Variants in ATM observed in about 807,000 individuals in gnomAD.
ATM encodes serine-protein kinase ATM.
In ATM, 308 loss-of-function variants were observed where a neutral mutation model predicts 387.0. The observed-to-expected ratio is 0.80, with a 90% CI of 0.73 to 0.87. ATM has a LOEUF of 0.87. ATM is among the 40% of genes least tolerant of loss of function. The pLI, the probability that ATM is intolerant of heterozygous loss-of-function variation, is 0.00. For synonymous variants in ATM, 1,156 were observed against 1,187.3 expected, an observed-to-expected ratio of 0.97 and a Z score of 0.54; for missense variants, 3,312 against 3,560.9, an observed-to-expected ratio of 0.93 and a Z score of 1.78.
At chr11:108,225,489 G>A (rs1208707859) in intron 1 of ATM, 4 of 152,016 alleles carry the variant, frequency 2.6e-5, no homozygotes, top group Non-Finnish European at 4.4e-5. Flanking sequence ...GTCTTGTTTT[G>A]TTTTGAGACA....
At chr11:108,259,418 G>A (rs2080724968) in intron 16 of ATM, among the ~76,000 whole-genome samples, 1 of 152,164 alleles carries the variant, frequency 6.6e-6, no homozygotes, top group Non-Finnish European at 1.5e-5. Flanking sequence ...CCTGGGAGGT[G>A]GAGGTTGCAG....
chr11:108,264,070 C>T (rs1228601262), intron 16 of ATM, among the ~76,000 whole-genome samples: 1 of 151,282 alleles, frequency 6.6e-6, no homozygotes, highest in East Asian at 1.9e-4. Flanking sequence ...GAACTGGTAC[C>T]ATTCCTTCTG....
rs545668249 is a variant in ATM, at chr11:108,310,726, A to G, written c.5918+411A>G. On this transcript the variant is annotated intron_variant, in intron 39 of 62. Coordinates refer to ENST00000675843, the MANE Select transcript of ATM (RefSeq NM_000051.4). ...TATTCAAGATTCATTTTGGATATAA[A>G]ATATCCAAAATTATAATCCAAAATG... Among the ~76,000 whole-genome samples the G allele has an allele frequency of 2.6e-5, 4 of 152,254 alleles. No individual in the cohort carries two copies. In the East Asian group the frequency reaches 7.7e-4, roughly 29 times the overall value.
At position 108,259,304 on chromosome 11, in the gene ATM, A is replaced by G. The variant is rs193005207; in HGVS notation, c.2466+229A>G. ...GGAGATTGAGACCATCCTGGCTAAC[A>G]CGGTGAAACCCCGTCTCTACTAAAA... is the stretch of plus-strand genomic sequence containing the variant. On this transcript the variant is annotated intron_variant, in intron 16 of 62. Coordinates refer to ENST00000675843, the MANE Select transcript of ATM (RefSeq NM_000051.4). Among the ~76,000 whole-genome samples, 24 of 152,000 alleles carry G rather than the reference A, an allele frequency of 1.6e-4. No individual in the cohort carries two copies. In the East Asian group the frequency reaches 4.3e-3, roughly 27 times the overall value.
At chr11:108,334,437 ATTC>A (rs1416078286) in intron 54 of ATM, among the ~76,000 whole-genome samples, 1 of 152,198 alleles carries the variant, frequency 6.6e-6, no homozygotes, top group Non-Finnish European at 1.5e-5. Flanking sequence ...CTGTTCTAAT[ATTC>A]TTTTATTGCA....
At position 108,345,767 on chromosome 11, in the gene ATM, G is replaced by C. The variant is rs1214616015; in HGVS notation, c.8443G>C (p.Glu2815Gln). Residue 2815 changes from glutamate to glutamine, a missense_variant, in exon 58 of 63, where the codon GAG becomes CAG. Around this residue, in one of 4 missense-constraint regions of ATM, gnomAD observed 1,405 missense variants for 1,604.4 expected, o/e 0.88. Coordinates refer to ENST00000675843, the MANE Select transcript of ATM (RefSeq NM_000051.4). Reference protein sequence around the residue: ...MMEVQKKSFEEKYEVFMDVCQ... With the variant: ...MMEVQKKSFEQKYEVFMDVCQ... ...GGAGGTGCAAAAAAAGTCTTTTGAA[G>C]AGAAATATGAAGTCTTCATGGATGT... 6.2e-7 allele frequency: 1 copy of C among 1,612,200 alleles called. No individual in the cohort carries two copies. Among genetic ancestry groups the C allele is most frequent in the African/African-American group, 1.3e-5 (1 of 74,916 alleles).
chr11:108,306,233 C>T (rs1238106596), intron 37 of ATM, among the ~76,000 whole-genome samples: 2 of 151,640 alleles, frequency 1.3e-5, no homozygotes, highest in Admixed American at 6.6e-5. Context: ...ACATAGATGC[C>T]CATCCTGTGA....
rs548381286 is a variant in ATM, at chr11:108,263,077, G to A, written c.2466+4002G>A. The stretch of plus-strand genomic sequence containing the variant: ...CACTGTCAACATTAGACAGATCAAC[G>A]AGACAGAAAGTCAACAAGTATACCC... On this transcript the variant is annotated intron_variant, in intron 16 of 62. Coordinates refer to ENST00000675843, the MANE Select transcript of ATM (RefSeq NM_000051.4). 4.6e-5 allele frequency among the ~76,000 whole-genome samples: 7 copies of A among 151,504 alleles called. No individual in the cohort carries two copies. In the South Asian group the frequency reaches 1.3e-3, roughly 27 times the overall value.
chr11:108,343,183 G>A (rs2136936674), intron 56 of ATM, 39 bp from the exon 57 acceptor site: 1 of 1,611,314 alleles, frequency 6.2e-7, no homozygotes, highest in Non-Finnish European at 8.5e-7. Context: ...CTCTTTAATG[G>A]CCTTTTAAAA....
chr11:108,263,670 CA>C (rs2081045506), intron 16 of ATM, among the ~76,000 whole-genome samples: 1 of 149,088 alleles, frequency 6.7e-6, no homozygotes, highest in Non-Finnish European at 1.5e-5. Flanking sequence ...AAAAACCCTT[CA>C]AAAAATTAAT....
Position 108,267,288 on chromosome 11 carries a change from C to T in ATM, c.2584C>T (p.Pro862Ser), listed in dbSNP as rs876660537. ...ATCCATGAATCTATTTAACGATTAC[C>T]CTGATAGTAGTGTTAGTGATGCAAA... is the stretch of plus-strand genomic sequence containing the variant. ...QSSMNLFNDY[P>S]DSSVSDANEP... Residue 862 changes from proline to serine, a missense_variant, in exon 17 of 63, where the codon CCT becomes TCT. By Grantham distance (74) the Pro-to-Ser change is moderately conservative. Transcript: ENST00000675843. 6.2e-7 allele frequency: 1 copy of T among 1,613,986 alleles called. No homozygotes were observed. Among genetic ancestry groups the T allele is most frequent in the Non-Finnish European group, 8.5e-7 (1 of 1,179,972 alleles).
At chr11:108,347,059 G>T (rs542439544) in intron 58 of ATM, among the ~76,000 whole-genome samples, 20 of 152,146 alleles carry the variant, frequency 1.3e-4, no homozygotes, top group Admixed American at 5.9e-4. Context: ...AATTTTTTTA[G>T]CAAATCATCT....
chr11:108,323,642 T>C (rs2085391650), intron 45 of ATM, among the ~76,000 whole-genome samples: 2 of 152,172 alleles, frequency 1.3e-5, no homozygotes, highest in Non-Finnish European at 2.9e-5. Flanking sequence ...TATGCTTGTA[T>C]CAAAATATCA....
At chr11:108,240,864 T>G (rs2079521857) in intron 5 of ATM, among the ~76,000 whole-genome samples, 1 of 152,190 alleles carries the variant, frequency 6.6e-6, no homozygotes, top group Non-Finnish European at 1.5e-5. Flanking sequence ...TAAAGTAACA[T>G]TAGCTACTAT....
Position 108,332,030 on chromosome 11 carries a change from T to C in ATM, c.7781T>C (p.Leu2594Pro). 1 of 1,613,824 alleles carries C rather than the reference T, an allele frequency of 6.2e-7. No individual in the cohort carries two copies. Among genetic ancestry groups the C allele is most frequent in the East Asian group, 2.2e-5 (1 of 44,826 alleles). The change falls in exon 52 of 63, where the codon CTT (leucine) becomes CCT (proline). Residue 2594 changes from leucine (L) to proline (P), a missense_variant. Physicochemically the swap from Leu to Pro is moderately conservative, Grantham distance 98 (BLOSUM62 -3). Coordinates refer to ENST00000675843, the MANE Select transcript of ATM (RefSeq NM_000051.4). The stretch of plus-strand genomic sequence containing the variant: ...AATGTGCCTAAACAAAGCTCTCAGC[T>C]TGATGAGGTATTTGGATTAAACATA... ...TKNVPKQSSQ[L>P]DEDRTEAANR...
At chr11:108,241,494 T>C (rs1465693071) in intron 5 of ATM, among the ~76,000 whole-genome samples, 1 of 152,142 alleles carries the variant, frequency 6.6e-6, no homozygotes, top group Admixed American at 6.5e-5. Context: ...CAAATGCTTG[T>C]GAGTAATTTC....
intron 16 of ATM, among the ~76,000 whole-genome samples, chr11:108,262,902 G>A (rs2135459613): frequency 6.7e-6 from 1 of 148,568 alleles, no homozygotes; most frequent in Admixed American, 6.7e-5. Context: ...ATTACATAAT[G>A]GTAAAGGGAT....
chr11:108,247,438 A>G (rs946295305), intron 8 of ATM, among the ~76,000 whole-genome samples: 3 of 152,206 alleles, frequency 2.0e-5, no homozygotes, highest in African/African-American at 7.2e-5. Flanking sequence ...TGCTGGGATT[A>G]CAGGCATGAG....
chr11:108,224,007 A>G (rs1010483610), intron 1 of ATM: 7 of 152,264 alleles, frequency 4.6e-5, no homozygotes, highest in African/African-American at 1.7e-4. Context: ...TTTTTGAGGT[A>G]TGAGCGGAAG....
Sources: allele counts gnomAD v4.1 joint callset (sites outside exome capture counted in the v4.1 genomes callset), GRCh38; gene constraint gnomAD v4.1.1; regional missense constraint gnomAD v4.1.1; transcripts MANE v1.5; gene names NCBI Gene and HGNC (gene_info 2026-07-23, HGNC 2026-07-21).